The following NOL4 variants were observed in gnomAD, a reference collection of about 807,000 sequenced individuals.
NOL4 encodes cancer/testis antigen 125.
In NOL4, 17 loss-of-function variants were observed where a neutral mutation model predicts 75.9. That is an observed-to-expected ratio of 0.22 (90% CI 0.15 to 0.34). The LOEUF (loss-of-function observed/expected upper bound fraction) is 0.34. NOL4 is among the 10% of genes least tolerant of loss of function. NOL4 has a pLI of 1.00. For missense variants in NOL4, 614 were observed against 793.5 expected (o/e 0.77, Z 2.72); for synonymous variants, 292 against 289.9 (o/e 1.01, Z -0.07).
intron 1 of NOL4, among the ~76,000 whole-genome samples, chr18:34,186,830 A>T (rs1175229565): frequency 6.6e-6 from 1 of 152,066 alleles, no homozygotes; most frequent in African/African-American, 2.4e-5. Flanking sequence ...AAGCTTTTTT[A>T]AAAAAACAAC....
At chr18:34,138,320 T>A (rs1402621169) in intron 1 of NOL4, among the ~76,000 whole-genome samples, 1 of 152,156 alleles carries the variant, frequency 6.6e-6, no homozygotes, top group African/African-American at 2.4e-5. Flanking sequence ...TAGGATCACT[T>A]GAGCCCATAA....
At chr18:34,023,595 A>G (rs1051224698) in intron 5 of NOL4, 8 of 393,080 alleles carry the variant, frequency 2.0e-5, no homozygotes, top group Admixed American at 1.3e-4. Context: ...GACTCTGTAT[A>G]TGAGTCCCAA....
At chr18:34,194,457 A>AAGGAAGGC (rs1301161192) in intron 1 of NOL4, among the ~76,000 whole-genome samples, 110 of 146,314 alleles carry the variant, frequency 7.5e-4, no homozygotes, top group Middle Eastern at 3.6e-3. Context: ...GGAAGGAAGG[A>AAGGAAGGC]AGGCAGGCAG....
chr18:34,178,535 C>A (rs1394843233), intron 1 of NOL4, among the ~76,000 whole-genome samples: 1 of 151,280 alleles, frequency 6.6e-6, no homozygotes, highest in Non-Finnish European at 1.5e-5. Flanking sequence ...AAAGGGAAAC[C>A]AAAAGAGAAG....
At chr18:34,115,095 G>A (rs79026967) in intron 2 of NOL4, among the ~76,000 whole-genome samples, 2,227 of 152,238 alleles carry the variant, frequency 0.015, 17 homozygotes, top group Middle Eastern at 0.034. Context: ...GGAAGATCAG[G>A]CTGCAGACAT....
chr18:33,993,136 T>C (rs530270290), intron 6 of NOL4, among the ~76,000 whole-genome samples: 3 of 151,930 alleles, frequency 2.0e-5, no homozygotes, highest in African/African-American at 4.8e-5. Flanking sequence ...AACACTGACA[T>C]TGGTAACCAT....
At chr18:34,123,592 G>A (rs945205670) in intron 2 of NOL4, among the ~76,000 whole-genome samples, 1 of 141,882 alleles carries the variant, frequency 7.0e-6, no homozygotes, top group African/African-American at 2.6e-5. Context: ...AATATATATA[G>A]AGAGATAGAT....
At chr18:33,855,600 A>G (rs2062802657) in intron 10 of NOL4, among the ~76,000 whole-genome samples, 2 of 152,102 alleles carry the variant, frequency 1.3e-5, no homozygotes, top group Non-Finnish European at 2.9e-5. Context: ...CACTTATCCA[A>G]GTGCCCACAT....
intron 5 of NOL4, among the ~76,000 whole-genome samples, chr18:34,063,555 A>G (rs1209947314): frequency 6.6e-6 from 1 of 152,114 alleles, no homozygotes; most frequent in African/African-American, 2.4e-5. Context: ...AAAATGAAGT[A>G]CGTGAGGTTT....
chr18:34,030,154 C>T (rs1033258240), intron 5 of NOL4, among the ~76,000 whole-genome samples: 1 of 152,028 alleles, frequency 6.6e-6, no homozygotes, highest in African/African-American at 2.4e-5. Context: ...TTTTGGGCTT[C>T]TAGAAAAAGG....
chr18:34,160,041 A>G (rs763836376), intron 1 of NOL4, among the ~76,000 whole-genome samples: 4 of 152,146 alleles, frequency 2.6e-5, no homozygotes, highest in Non-Finnish European at 4.4e-5. Context: ...TCAGAGCCCA[A>G]CTGAATCCTG....
intron 9 of NOL4, among the ~76,000 whole-genome samples, chr18:33,940,299 A>ACC (rs2068378315): frequency 6.6e-6 from 1 of 151,894 alleles, no homozygotes. Context: ...CTTGGAGCCA[A>ACC]CAAATGCCCA....
intron 10 of NOL4, among the ~76,000 whole-genome samples, chr18:33,873,981 C>T (rs1420778317): frequency 6.6e-6 from 1 of 151,772 alleles, no homozygotes; most frequent in Non-Finnish European, 1.5e-5. Flanking sequence ...GAGATAACCC[C>T]AGAGACAGGT....
rs755296224 is a variant in NOL4, at chr18:33,852,987, G to A, written c.1772C>T (p.Ser591Phe). The A allele has an allele frequency of 6.2e-7, 1 of 1,612,980 alleles. No individual in the cohort carries two copies. The highest frequency in any genetic ancestry group is 8.5e-7 in the Non-Finnish European group (1 of 1,179,328). ...GGGTCTGGAGTTTGAGCTGCTGGAG[G>A]ATCCTGAGCTAGTCGCCAATTGTCT... Reference protein sequence around the residue: ...MKRQLATSSGSSSSSNSRPQL... With the variant: ...MKRQLATSSGFSSSSNSRPQL... The change falls in exon 11 of 11, where the codon TCC becomes TTC. Residue 591 changes from serine (S) to phenylalanine (F), a missense_variant. Around this residue, in one of 9 missense-constraint regions of NOL4, gnomAD observed 128 missense variants for 159.9 expected, o/e 0.80. Coordinates refer to ENST00000261592, the MANE Select transcript of NOL4 (RefSeq NM_003787.5).
In NOL4 at chr18:34,019,560, CCAGAGT is replaced by C. The variant is rs767835387; in HGVS notation, c.808_813del (p.Thr270_Leu271del). The C allele has an allele frequency of 3.0e-5, 48 of 1,613,770 alleles. 1 individual carries two copies. The highest frequency in any genetic ancestry group is 3.9e-5 in the Non-Finnish European group (46 of 1,179,952). ...CCCCCTGAAGCAATTGAACTGTGCCCCAGAGTCTCATTGCCATTAAAGCTCTCTGCA... is the reference window on the plus strand; with the variant it reads ...CCCCCTGAAGCAATTGAACTGTGCCCCTCATTGCCATTAAAGCTCTCTGCA... On this transcript the variant is annotated inframe_deletion, in exon 6 of 11. Coordinates refer to ENST00000261592, the MANE Select transcript of NOL4 (RefSeq NM_003787.5).
chr18:33,993,230 AAAT>A (rs1340293617), intron 6 of NOL4, among the ~76,000 whole-genome samples: 1 of 151,902 alleles, frequency 6.6e-6, no homozygotes, highest in Admixed American at 6.6e-5. Context: ...GCATTGTTGA[AAAT>A]AATAGAAATA....
intron 5 of NOL4, among the ~76,000 whole-genome samples, chr18:34,024,474 C>T (rs1444296770): frequency 6.6e-6 from 1 of 151,810 alleles, no homozygotes; most frequent in Non-Finnish European, 1.5e-5. Context: ...ATTAAAAATT[C>T]CTTTGAAATC....
chr18:33,931,647 T>C (rs1035050038), intron 9 of NOL4, among the ~76,000 whole-genome samples: 7 of 151,612 alleles, frequency 4.6e-5, no homozygotes, highest in African/African-American at 1.5e-4. Context: ...TTCAGGAGGA[T>C]TGCTTGTGCC....
intron 1 of NOL4, among the ~76,000 whole-genome samples, chr18:34,219,408 T>A (rs994660089): frequency 6.6e-6 from 1 of 152,198 alleles, no homozygotes; most frequent in Admixed American, 6.5e-5. Flanking sequence ...AAAAAGAGCG[T>A]TTAATAAATT....
Sources: gnomAD v4.1 joint callset for allele counts (sites outside exome capture counted in the v4.1 genomes callset) on GRCh38, gnomAD v4.1.1 for gene constraint, gnomAD v4.1.1 regional missense constraint, MANE v1.5 for transcripts, NCBI Gene and HGNC (gene_info 2026-07-23, HGNC 2026-07-21) for gene names.